Variants in RHOU observed in about 807,000 individuals in gnomAD.
The protein encoded by RHOU is rho-related GTP-binding protein RhoU.
In RHOU, 8 loss-of-function variants were observed where a neutral mutation model predicts 12.6. The ratio of observed to expected loss-of-function variants is 0.64; its 90% CI spans 0.37 to 1.15. The LOEUF (loss-of-function observed/expected upper bound fraction) is 1.15. RHOU is among the 50% of genes most tolerant of loss of function. RHOU has a pLI of 0.01. For missense variants in RHOU, 258 were observed against 347.0 expected, an observed-to-expected ratio of 0.74 and a Z score of 2.04; for synonymous variants, 161 against 147.4, an observed-to-expected ratio of 1.09 and a Z score of -0.67.
the RHOU span, among the ~76,000 whole-genome samples, chr1:228,682,145 T>C: frequency 1.3e-5 from 2 of 152,190 alleles, no homozygotes; most frequent in Non-Finnish European, 2.9e-5. Context: ...TAACTGGACT[T>C]GGAAGGACAG....
the RHOU span, among the ~76,000 whole-genome samples, chr1:228,722,200 A>G: frequency 5.3e-5 from 8 of 152,184 alleles, no homozygotes; most frequent in African/African-American, 1.9e-4. Flanking sequence ...TCTTATTCCT[A>G]TAGGCAGAGT....
chr1:228,674,424 G>T, the RHOU span, among the ~76,000 whole-genome samples: 3 of 147,606 alleles, frequency 2.0e-5, no homozygotes, highest in Middle Eastern at 7.2e-3. Flanking sequence ...TCGGCTCACT[G>T]CAACCTCTGC....
the RHOU span, among the ~76,000 whole-genome samples, chr1:228,664,865 C>G: frequency 6.6e-6 from 1 of 152,060 alleles, no homozygotes; most frequent in African/African-American, 2.4e-5. Flanking sequence ...AAATCCTGAC[C>G]TCAGGTGATC....
chr1:228,694,443 C>G, the RHOU span, among the ~76,000 whole-genome samples: 1 of 152,098 alleles, frequency 6.6e-6, no homozygotes, highest in Non-Finnish European at 1.5e-5. Context: ...GTATTTTGCC[C>G]GGAATCCATT....
chr1:228,695,661 G>A, the RHOU span, among the ~76,000 whole-genome samples: 2 of 152,206 alleles, frequency 1.3e-5, no homozygotes, highest in African/African-American at 4.8e-5. Flanking sequence ...ACAAATGAAA[G>A]GGTGTGAAGG....
chr1:228,650,586 C>T, the RHOU span: 1 of 455,444 alleles, frequency 2.2e-6, no homozygotes, highest in Non-Finnish European at 4.4e-6. Flanking sequence ...CCTGCCTGCC[C>T]TCCTGCTGGC....
intron 1 of RHOU, among the ~76,000 whole-genome samples, chr1:228,736,299 A>T (rs1662611547): frequency 6.6e-6 from 1 of 151,208 alleles, no homozygotes. Context: ...TTTAAGCAAC[A>T]GATAAGTAGG....
At chr1:228,686,620 CTCAT>C in the RHOU span, among the ~76,000 whole-genome samples, 2 of 152,292 alleles carry the variant, frequency 1.3e-5, no homozygotes, top group East Asian at 3.9e-4. Context: ...CGGTGCAAAA[CTCAT>C]TGCGGTTTTT....
chr1:228,660,751 T>C, the RHOU span, among the ~76,000 whole-genome samples: 47 of 151,610 alleles, frequency 3.1e-4, no homozygotes, highest in Non-Finnish European at 2.9e-5. Flanking sequence ...CTAACCAACA[T>C]GGAGAAACCC....
chr1:228,736,278 A>AC lies in RHOU; in HGVS notation c.262+274_262+275insC, dbSNP rs1466202077. Reference sequence around the variant, plus strand: ...GCCTTGCCAAAAAAAAAAAAAAAAAAAATCTCACAATTTAAGCAACAGATA... The same window carrying AC: ...GCCTTGCCAAAAAAAAAAAAAAAAAACAATCTCACAATTTAAGCAACAGATA... On this transcript the variant is annotated intron_variant, in intron 1 of 2. Coordinates refer to ENST00000366691, the MANE Select transcript of RHOU (RefSeq NM_021205.6). Among the ~76,000 whole-genome samples the AC allele has an allele frequency of 2.0e-5, 3 of 151,926 alleles. 1 individual carries two copies. The highest frequency in any genetic ancestry group is 2.0e-4 in the Admixed American group (3 of 15,258).
chr1:228,687,749 G>T, the RHOU span: 5 of 1,419,012 alleles, frequency 3.5e-6, no homozygotes, highest in African/African-American at 7.0e-5. Flanking sequence ...ACTTGTGCAA[G>T]ATGGGAGCGC....
the RHOU span, among the ~76,000 whole-genome samples, chr1:228,690,942 A>G: frequency 6.6e-6 from 1 of 152,334 alleles, no homozygotes; most frequent in East Asian, 1.9e-4. Flanking sequence ...AGAGTGTATC[A>G]CATAGTGCTT....
the RHOU span, among the ~76,000 whole-genome samples, chr1:228,670,343 A>G: frequency 6.6e-6 from 1 of 152,250 alleles, no homozygotes; most frequent in Non-Finnish European, 1.5e-5. Flanking sequence ...CCTCTTCGCT[A>G]GCTGGGCAGT....
chr1:228,658,580 T>A, the RHOU span, among the ~76,000 whole-genome samples: 2 of 152,234 alleles, frequency 1.3e-5, no homozygotes, highest in Admixed American at 6.5e-5. Context: ...GTCTGTTTTT[T>A]AATAAATTAT....
chr1:228,699,007 T>A, the RHOU span, among the ~76,000 whole-genome samples: 1 of 152,184 alleles, frequency 6.6e-6, no homozygotes. Flanking sequence ...TTTCTCTGAT[T>A]TTGTTTTCCA....
the RHOU span, among the ~76,000 whole-genome samples, chr1:228,707,132 A>ATATATATATATG: frequency 3.3e-5 from 4 of 120,394 alleles, no homozygotes; most frequent in African/African-American, 3.8e-5. Context: ...ATATACATAT[A>ATATATATATATG]TATATATATA....
At chr1:228,727,676 G>C in the RHOU span, among the ~76,000 whole-genome samples, 2 of 152,186 alleles carry the variant, frequency 1.3e-5, no homozygotes, top group South Asian at 4.1e-4. Context: ...TTGTAGGACT[G>C]GGGGAGTGCT....
the RHOU span, among the ~76,000 whole-genome samples, chr1:228,696,313 T>A: frequency 6.6e-6 from 1 of 150,742 alleles, no homozygotes; most frequent in Non-Finnish European, 1.5e-5. Flanking sequence ...AGAAGAAATT[T>A]ACTCACACTC....
At chr1:228,693,448 G>A in the RHOU span, among the ~76,000 whole-genome samples, 1 of 151,780 alleles carries the variant, frequency 6.6e-6, no homozygotes, top group Non-Finnish European at 1.5e-5. Context: ...AAATATAGAA[G>A]TCCCATCATT....
Sources: allele counts gnomAD v4.1 joint callset (sites outside exome capture counted in the v4.1 genomes callset), GRCh38; gene constraint gnomAD v4.1.1; transcripts MANE v1.5; gene names NCBI Gene and HGNC (gene_info 2026-07-23, HGNC 2026-07-21).